The following MGAT4C variants were observed in gnomAD, a reference collection of about 807,000 sequenced individuals.
The protein encoded by MGAT4C is MGAT4 family member C.
Under a neutral mutation model 40.1 loss-of-function variants are expected in MGAT4C, and 19 were observed. The ratio of observed to expected loss-of-function variants is 0.47; its 90% CI spans 0.33 to 0.70. The LOEUF is 0.70. Ranked by LOEUF, MGAT4C falls within the 30% of genes least tolerant of loss-of-function variation. MGAT4C has a pLI of 0.02. For synonymous variants in MGAT4C, 181 were observed against 187.1 expected (o/e 0.97, Z 0.27); for missense variants, 491 against 563.2 (o/e 0.87, Z 1.30).
chr12:86,699,428 A>C (rs1481325960), intron 2 of MGAT4C, among the ~76,000 whole-genome samples: 1 of 152,174 alleles, frequency 6.6e-6, no homozygotes, highest in Non-Finnish European at 1.5e-5. Context: ...AAACCGATAC[A>C]TAACTTTTGT....
intron 1 of MGAT4C, among the ~76,000 whole-genome samples, chr12:86,757,027 T>C (rs1020771094): frequency 2.0e-5 from 3 of 152,072 alleles, no homozygotes; most frequent in African/African-American, 7.2e-5. Context: ...TCTATATAAA[T>C]TACAGCCATA....
intron 2 of MGAT4C, among the ~76,000 whole-genome samples, chr12:86,721,911 A>G (rs920610532): frequency 2.0e-5 from 3 of 152,136 alleles, no homozygotes; most frequent in Admixed American, 6.6e-5. Context: ...CATTTGATGC[A>G]GGTAGAATGG....
chr12:86,422,144 GGA>G (rs1479330700), intron 3 of MGAT4C, among the ~76,000 whole-genome samples: 1 of 152,146 alleles, frequency 6.6e-6, no homozygotes, highest in Non-Finnish European at 1.5e-5. Context: ...CTAAAAAAAT[GGA>G]GATAGCATTA....
At chr12:86,624,997 A>G (rs1028867994) in intron 2 of MGAT4C, among the ~76,000 whole-genome samples, 1 of 152,044 alleles carries the variant, frequency 6.6e-6, no homozygotes, top group African/African-American at 2.4e-5. Context: ...AGGTGACTGG[A>G]TCATGAGGGC....
intron 1 of MGAT4C, among the ~76,000 whole-genome samples, chr12:86,190,537 G>C (rs1174989796): frequency 6.6e-6 from 1 of 151,870 alleles, no homozygotes; most frequent in African/African-American, 2.4e-5. Flanking sequence ...GACCATTGCT[G>C]CCCTCAAAAT....
intron 1 of MGAT4C, among the ~76,000 whole-genome samples, chr12:86,746,997 T>C (rs554154708): frequency 6.6e-6 from 1 of 151,612 alleles, no homozygotes; most frequent in Non-Finnish European, 1.5e-5. Flanking sequence ...TACCAGGTAA[T>C]GACTCATACT....
At chr12:86,660,437 C>T (rs1285022786) in intron 2 of MGAT4C, among the ~76,000 whole-genome samples, 1 of 152,116 alleles carries the variant, frequency 6.6e-6, no homozygotes, top group Non-Finnish European at 1.5e-5. Flanking sequence ...TAATTCAATA[C>T]ATCAAATTAA....
intron 1 of MGAT4C, among the ~76,000 whole-genome samples, chr12:86,171,339 A>G (rs1593136304): frequency 6.6e-6 from 1 of 152,204 alleles, no homozygotes; most frequent in Non-Finnish European, 1.5e-5. Context: ...ATTGCACTCC[A>G]GCCTGGGCAA....
At chr12:86,514,145 A>G (rs1257541542) in intron 2 of MGAT4C, among the ~76,000 whole-genome samples, 1 of 151,976 alleles carries the variant, frequency 6.6e-6, no homozygotes, top group Non-Finnish European at 1.5e-5. Flanking sequence ...GAATTACTGT[A>G]TAAAAGCATT....
In MGAT4C at chr12:86,664,806, G is replaced by A. The variant is rs1305938076; in HGVS notation, c.-229+62403C>T. ...ATTTACTATAGAAAAAAACAATTCCGGTTTCTGCTTTGACATTTTAGTTAA... is the reference window on the plus strand; with the variant it reads ...ATTTACTATAGAAAAAAACAATTCCAGTTTCTGCTTTGACATTTTAGTTAA... On this transcript the variant is annotated intron_variant, in intron 2 of 7. Coordinates refer to the MGAT4C transcript ENST00000548651. Among the ~76,000 whole-genome samples the A allele has an allele frequency of 3.3e-5, 5 of 152,048 alleles. No homozygotes were observed. In the East Asian group the frequency reaches 5.8e-4, roughly 18 times the overall value.
intron 1 of MGAT4C, among the ~76,000 whole-genome samples, chr12:86,228,757 G>T (rs1776309464): frequency 6.6e-6 from 1 of 151,874 alleles, no homozygotes; most frequent in African/African-American, 2.4e-5. Context: ...TAGTCAGCAA[G>T]GAACAGTTAG....
rs143603675 is a variant in MGAT4C, at chr12:86,594,976, C to T, written c.-229+132233G>A. Among the ~76,000 whole-genome samples the T allele has an allele frequency of 5.9e-5, 9 of 152,268 alleles. No homozygotes were observed. In the East Asian group the frequency reaches 1.2e-3, roughly 20 times the overall value. On this transcript the variant is annotated intron_variant, in intron 2 of 7. Coordinates refer to the MGAT4C transcript ENST00000548651. ...ACTGTCTAACTTTGTTCTACACACA[C>T]GGTCCTCAGAGCCCCGTATTATGGG...
intron 2 of MGAT4C, among the ~76,000 whole-genome samples, chr12:86,498,922 A>G (rs1163481304): frequency 1.3e-5 from 2 of 152,018 alleles, no homozygotes; most frequent in African/African-American, 4.8e-5. Context: ...TCAAGACATT[A>G]CAAAAAAAAG....
At chr12:86,775,571 A>G (rs1372096065) in intron 1 of MGAT4C, among the ~76,000 whole-genome samples, 1 of 151,542 alleles carries the variant, frequency 6.6e-6, no homozygotes, top group African/African-American at 2.4e-5. Flanking sequence ...TAAATAAACT[A>G]AAGTTTTTAT....
At chr12:86,767,663 C>T (rs1304762602) in intron 1 of MGAT4C, among the ~76,000 whole-genome samples, 1 of 152,156 alleles carries the variant, frequency 6.6e-6, no homozygotes, top group African/African-American at 2.4e-5. Flanking sequence ...AAAAGCTTAT[C>T]TACCATGATC....
intron 2 of MGAT4C, among the ~76,000 whole-genome samples, chr12:86,565,942 T>G (rs1337173894): frequency 3.3e-5 from 5 of 152,142 alleles, no homozygotes; most frequent in Admixed American, 3.3e-4. Context: ...AAGGCTGACC[T>G]GGCTACAGCT....
At chr12:86,342,983 C>A (rs1351596885) in intron 3 of MGAT4C, among the ~76,000 whole-genome samples, 1 of 150,430 alleles carries the variant, frequency 6.6e-6, no homozygotes, top group Non-Finnish European at 1.5e-5. Context: ...ATAAGTAATT[C>A]AAAAAAACTA....
At chr12:86,663,746 T>C (rs1381713783) in intron 2 of MGAT4C, among the ~76,000 whole-genome samples, 1 of 152,190 alleles carries the variant, frequency 6.6e-6, no homozygotes, top group Non-Finnish European at 1.5e-5. Context: ...CCATGTTTGA[T>C]ATTATTTCAG....
intron 4 of MGAT4C, among the ~76,000 whole-genome samples, chr12:86,284,071 G>T (rs907586692): frequency 5.3e-5 from 8 of 152,006 alleles, no homozygotes; most frequent in African/African-American, 1.9e-4. Flanking sequence ...TATCATCTAA[G>T]CTAAATGCAC....
Sources: gnomAD v4.1 joint callset for allele counts (sites outside exome capture counted in the v4.1 genomes callset) on GRCh38, gnomAD v4.1.1 for gene constraint, MANE v1.5 for transcripts, NCBI Gene and HGNC (gene_info 2026-07-23, HGNC 2026-07-21) for gene names.